TUSC3: variants seen among roughly 807,000 people sequenced by gnomAD.
TUSC3 encodes tumor suppressor candidate 3, also known as dolichyl-diphosphooligosaccharide--protein glycosyltransferase subunit TUSC3.
In TUSC3, 45 loss-of-function variants were observed where a neutral mutation model predicts 44.8. The observed-to-expected ratio is 1.00, with a 90% CI of 0.79 to 1.29. TUSC3 has a LOEUF of 1.29. Ranked by LOEUF, TUSC3 falls within the 50% of genes most tolerant of loss-of-function variation. The pLI, the probability that TUSC3 is intolerant of heterozygous loss-of-function variation, is 0.00. For synonymous variants in TUSC3, 212 were observed against 152.9 expected (o/e 1.39, Z -2.85); for missense variants, 519 against 437.9 (o/e 1.19, Z -1.65).
At chr8:15,521,624 A>C (rs1424148281) in intron 2 of TUSC3, among the ~76,000 whole-genome samples, 1 of 152,110 alleles carries the variant, frequency 6.6e-6, no homozygotes, top group Non-Finnish European at 1.5e-5. Context: ...CCCCCCCAAA[A>C]AAAGGTACGT....
At chr8:15,645,646 C>T (rs1389616113) in intron 2 of TUSC3, among the ~76,000 whole-genome samples, 1 of 152,004 alleles carries the variant, frequency 6.6e-6, no homozygotes, top group Non-Finnish European at 1.5e-5. Flanking sequence ...GTATAAATTT[C>T]ACTGATGATT....
chr8:15,556,102 C>T (rs1213069068), intron 1 of TUSC3, among the ~76,000 whole-genome samples: 2 of 150,114 alleles, frequency 1.3e-5, no homozygotes, highest in African/African-American at 2.4e-5. Context: ...GTGCACTGCA[C>T]CCACTAACTC....
chr8:15,731,320 G>A (rs1263816612), intron 7 of TUSC3, among the ~76,000 whole-genome samples: 1 of 152,042 alleles, frequency 6.6e-6, no homozygotes, highest in East Asian at 1.9e-4. Flanking sequence ...AATATTCTTA[G>A]AATGAAATAA....
chr8:15,739,156 G>T (rs1345958338), intron 7 of TUSC3, among the ~76,000 whole-genome samples: 2 of 151,844 alleles, frequency 1.3e-5, no homozygotes, highest in Non-Finnish European at 2.9e-5. Context: ...AAGAATTTTT[G>T]TCAATTTCAT....
chr8:15,653,158 T>G lies in TUSC3; in HGVS notation c.426+2344T>G, dbSNP rs538253344. Among the ~76,000 whole-genome samples the G allele has an allele frequency of 3.3e-5, 5 of 152,256 alleles. No homozygotes were observed. The East Asian group carries it at 7.7e-4, about 24-fold the overall frequency. On this transcript the variant is annotated intron_variant, in intron 3 of 10. Transcript: ENST00000503731. Reference sequence around the variant, plus strand: ...GCCAGAACACCATGCATCTGATCCTTGGTGTCATTGTTGAGGAAGCAGTAT... The same window carrying G: ...GCCAGAACACCATGCATCTGATCCTGGGTGTCATTGTTGAGGAAGCAGTAT...
At chr8:15,602,696 G>A (rs1036726317) in intron 1 of TUSC3, among the ~76,000 whole-genome samples, 64 of 143,114 alleles carry the variant, frequency 4.5e-4, no homozygotes, top group African/African-American at 9.3e-4. Flanking sequence ...GTGTGTGTGT[G>A]TATATATGTG....
chr8:15,736,014 C>A (rs1044666824), intron 7 of TUSC3, among the ~76,000 whole-genome samples: 1 of 152,132 alleles, frequency 6.6e-6, no homozygotes, highest in African/African-American at 2.4e-5. Context: ...AGGCATGAGC[C>A]ACCACGCCCG....
downstream of TUSC3, among the ~76,000 whole-genome samples, chr8:15,769,195 A>G (rs1812399751): frequency 6.6e-6 from 1 of 152,218 alleles, no homozygotes; most frequent in African/African-American, 2.4e-5. Flanking sequence ...AGCTACAGTA[A>G]CCAAAACAGC....
the TUSC3 span, among the ~76,000 whole-genome samples, chr8:15,837,335 T>A: frequency 6.6e-6 from 1 of 152,186 alleles, no homozygotes; most frequent in Admixed American, 6.5e-5. Flanking sequence ...TCTCAAGAGC[T>A]TTATTGTACT....
At chr8:15,478,930 C>G (rs1171252005) in intron 1 of TUSC3, among the ~76,000 whole-genome samples, 2 of 152,120 alleles carry the variant, frequency 1.3e-5, no homozygotes, top group African/African-American at 2.4e-5. Flanking sequence ...TCTCCACAGC[C>G]TCGCCAGCAA....
At chr8:15,729,820 C>G (rs571803304) in intron 6 of TUSC3, among the ~76,000 whole-genome samples, 1 of 151,996 alleles carries the variant, frequency 6.6e-6, no homozygotes, top group Non-Finnish European at 1.5e-5. Flanking sequence ...CATGCAATTT[C>G]CCATGTAACA....
chr8:15,768,767 G>T (rs140092971), downstream of TUSC3, among the ~76,000 whole-genome samples: 2 of 151,948 alleles, frequency 1.3e-5, no homozygotes, highest in Non-Finnish European at 2.9e-5. Flanking sequence ...ATCAATGTGC[G>T]AAAACCACAA....
intron 7 of TUSC3, among the ~76,000 whole-genome samples, chr8:15,732,957 A>G (rs900802568): frequency 3.3e-5 from 5 of 152,122 alleles, no homozygotes; most frequent in Non-Finnish European, 5.9e-5. Flanking sequence ...ACTTGCCTGT[A>G]TGCTTTATGG....
At chr8:15,762,168 T>A (rs1333901908) in intron 10 of TUSC3, among the ~76,000 whole-genome samples, 2 of 151,986 alleles carry the variant, frequency 1.3e-5, no homozygotes, top group East Asian at 3.8e-4. Context: ...TTGACATTTT[T>A]GTGCTTCAAG....
chr8:15,636,202 C>G (rs568250765), intron 2 of TUSC3, among the ~76,000 whole-genome samples: 1 of 152,086 alleles, frequency 6.6e-6, no homozygotes, highest in Non-Finnish European at 1.5e-5. Context: ...TAAGCACAAT[C>G]GGATTTCAAC....
rs1039513184 is a variant in TUSC3, at chr8:15,619,558, C to A, written c.139-3522C>A. On this transcript the variant is annotated intron_variant, in intron 1 of 10. Transcript: ENST00000503731. ...CCAGGCTGGAGTGCAGTGGCACGATCTCGGCTTACTGCAAGCTCCACTTCC... is the reference window on the plus strand; with the variant it reads ...CCAGGCTGGAGTGCAGTGGCACGATATCGGCTTACTGCAAGCTCCACTTCC... Among the ~76,000 whole-genome samples, 14 of 151,946 alleles carry A rather than the reference C, an allele frequency of 9.2e-5. No individual in the cohort carries two copies. In the East Asian group the frequency reaches 2.3e-3, roughly 25 times the overall value.
upstream of TUSC3, among the ~76,000 whole-genome samples, chr8:15,538,810 C>T (rs190461907): frequency 2.5e-3 from 378 of 151,694 alleles, 1 homozygote; most frequent in Non-Finnish European, 2.6e-3. Flanking sequence ...AACAATTATA[C>T]GTATATATTC....
At chr8:15,448,246 G>A (rs73191175) in intron 1 of TUSC3, among the ~76,000 whole-genome samples, 25,907 of 151,264 alleles carry the variant, frequency 0.17, 2,517 homozygotes, top group Middle Eastern at 0.26. Context: ...ACCCTCTCAA[G>A]TAGCTGAGAT....
chr8:15,528,208 T>C (rs1218104548), intron 2 of TUSC3, among the ~76,000 whole-genome samples: 3 of 152,118 alleles, frequency 2.0e-5, no homozygotes, highest in African/African-American at 2.4e-5. Context: ...AAAAAAACTT[T>C]CCATCATTTC....
Sources: allele counts gnomAD v4.1 joint callset (sites outside exome capture counted in the v4.1 genomes callset), GRCh38; gene constraint gnomAD v4.1.1; transcripts MANE v1.5; gene names NCBI Gene and HGNC (gene_info 2026-07-23, HGNC 2026-07-21).